ACTR3C: variants seen among roughly 807,000 people sequenced by gnomAD.
The protein encoded by ACTR3C is actin related protein 3C.
ACTR3C carries 18 observed loss-of-function variants against 26.3 expected under a neutral mutation model. The observed-to-expected ratio is 0.68, with a 90% CI of 0.47 to 1.01. The LOEUF (loss-of-function observed/expected upper bound fraction) is 1.01, where lower values mean the gene tolerates loss of function less well. ACTR3C is among the 50% of genes least tolerant of loss of function. The probability of loss-of-function intolerance (pLI) is 0.00; values close to 1 mark genes in which losing one functional copy is unlikely to be tolerated. For missense variants in ACTR3C, 184 were observed against 250.7 expected, an observed-to-expected ratio of 0.73 and a Z score of 1.80; for synonymous variants, 55 against 94.5, an observed-to-expected ratio of 0.58 and a Z score of 2.42.
chr7:150,030,570 G>A, the ACTR3C span, among the ~76,000 whole-genome samples: 2 of 149,518 alleles, frequency 1.3e-5, no homozygotes, highest in Admixed American at 6.6e-5. Context: ...TCGAGTAAAA[G>A]TTTGTTATAG....
intron 6 of ACTR3C, among the ~76,000 whole-genome samples, chr7:150,258,911 T>C (rs867099431): frequency 6.6e-6 from 1 of 151,946 alleles, no homozygotes; most frequent in Non-Finnish European, 1.5e-5. Flanking sequence ...AGATATGGTA[T>C]AGTTGCTGGA....
the ACTR3C span, among the ~76,000 whole-genome samples, chr7:150,116,470 T>C: frequency 6.6e-6 from 1 of 152,356 alleles, no homozygotes; most frequent in South Asian, 2.1e-4. Context: ...AGTTTTTCTT[T>C]AGGCCCTCCT....
the ACTR3C span, among the ~76,000 whole-genome samples, chr7:150,037,647 T>C: frequency 1.9e-5 from 2 of 102,828 alleles, no homozygotes; most frequent in Non-Finnish European, 4.0e-5. Context: ...AACTTTCTAC[T>C]TGGACAACTA....
chr7:149,985,508 T>C, the ACTR3C span, among the ~76,000 whole-genome samples: 9 of 152,286 alleles, frequency 5.9e-5, no homozygotes, highest in African/African-American at 2.2e-4. Context: ...ACAGACACCA[T>C]TATTATCCCC....
chr7:150,177,403 G>A, the ACTR3C span, among the ~76,000 whole-genome samples: 41 of 150,762 alleles, frequency 2.7e-4, 5 homozygotes, highest in African/African-American at 9.7e-4. Flanking sequence ...CTAAGTTGTA[G>A]AGAAATGAAT....
At chr7:150,093,596 G>T in the ACTR3C span, among the ~76,000 whole-genome samples, 1 of 150,924 alleles carries the variant, frequency 6.6e-6, no homozygotes, top group African/African-American at 2.5e-5. Flanking sequence ...CTGTCCAGGT[G>T]GGTGCAGGCA....
chr7:149,936,342 G>A, the ACTR3C span, among the ~76,000 whole-genome samples: 45 of 152,246 alleles, frequency 3.0e-4, no homozygotes, highest in African/African-American at 9.9e-4. Flanking sequence ...GCTTCTAAGC[G>A]CCACATCCTC....
the ACTR3C span, among the ~76,000 whole-genome samples, chr7:149,926,537 A>T: frequency 5.9e-3 from 902 of 152,242 alleles, 10 homozygotes; most frequent in African/African-American, 0.02. Context: ...TTGGGCCCTG[A>T]GTCTCTGAGG....
the ACTR3C span, among the ~76,000 whole-genome samples, chr7:150,056,732 C>T: frequency 2.7e-5 from 4 of 147,632 alleles, no homozygotes; most frequent in African/African-American, 1.0e-4. Context: ...ATTCCATTAA[C>T]TCAGTCCTCT....
the ACTR3C span, among the ~76,000 whole-genome samples, chr7:150,023,166 T>TGAG: frequency 1.3e-4 from 9 of 70,986 alleles, no homozygotes; most frequent in South Asian, 4.7e-3. Flanking sequence ...GATATCTATA[T>TGAG]AGATATATAG....
chr7:149,997,230 G>A, the ACTR3C span, among the ~76,000 whole-genome samples: 1 of 151,286 alleles, frequency 6.6e-6, no homozygotes, highest in Non-Finnish European at 1.5e-5. Flanking sequence ...GCTGGCTGTG[G>A]TGGTTCACTC....
chr7:150,096,873 A>G, the ACTR3C span, among the ~76,000 whole-genome samples: 1 of 151,838 alleles, frequency 6.6e-6, no homozygotes, highest in Non-Finnish European at 1.5e-5. Flanking sequence ...ATGGCCATGC[A>G]AGGACCATGC....
the ACTR3C span, among the ~76,000 whole-genome samples, chr7:149,986,611 T>C: frequency 6.6e-6 from 1 of 152,048 alleles, no homozygotes; most frequent in Non-Finnish European, 1.5e-5. Flanking sequence ...CAAACACAAT[T>C]TTTAGTTGGA....
chr7:150,209,781 T>A, the ACTR3C span, among the ~76,000 whole-genome samples: 1 of 146,502 alleles, frequency 6.8e-6, no homozygotes, highest in Non-Finnish European at 1.5e-5. Context: ...CTGGGTGTGG[T>A]GGTGCATGCC....
chr7:150,198,755 G>T, the ACTR3C span, among the ~76,000 whole-genome samples: 8 of 125,888 alleles, frequency 6.4e-5, no homozygotes, highest in African/African-American at 1.3e-4. Context: ...AGGGAGGTGG[G>T]GGGGGGTCAG....
the ACTR3C span, among the ~76,000 whole-genome samples, chr7:150,232,964 C>T: frequency 2.0e-5 from 3 of 152,166 alleles, no homozygotes; most frequent in Non-Finnish European, 1.5e-5. Flanking sequence ...ATACCATCAT[C>T]GTATTATTAC....
intron 4 of ACTR3C, among the ~76,000 whole-genome samples, chr7:150,288,496 C>G (rs192937341): frequency 7.2e-6 from 1 of 139,348 alleles, no homozygotes; most frequent in East Asian, 2.1e-4. Flanking sequence ...AATGCTCCAG[C>G]CTCAGCCTCC....
chr7:150,022,225 T>C, the ACTR3C span, among the ~76,000 whole-genome samples: 3 of 151,460 alleles, frequency 2.0e-5, no homozygotes, highest in South Asian at 4.1e-4. Context: ...ATTAGTGATG[T>C]TGAGCATTTT....
chr7:150,156,265 G>T, the ACTR3C span, among the ~76,000 whole-genome samples: 1 of 152,146 alleles, frequency 6.6e-6, no homozygotes, highest in Non-Finnish European at 1.5e-5. Flanking sequence ...TTAAATTCCA[G>T]TACTGGTTAA....
Sources: gnomAD v4.1 joint callset for allele counts (sites outside exome capture counted in the v4.1 genomes callset) on GRCh38, gnomAD v4.1.1 for gene constraint, MANE v1.5 for transcripts, NCBI Gene and HGNC (gene_info 2026-07-23, HGNC 2026-07-21) for gene names.